Variants in BTRC observed in about 807,000 individuals in gnomAD.
The protein encoded by BTRC is F-box/WD repeat-containing protein 1A.
In BTRC, 42 loss-of-function variants were observed where a neutral mutation model predicts 85.5. The ratio of observed to expected loss-of-function variants is 0.49; its 90% confidence interval spans 0.38 to 0.64. BTRC has a LOEUF of 0.64. Ranked by LOEUF, BTRC falls within the 30% of genes least tolerant of loss-of-function variation. The pLI is 0.00. For synonymous variants in BTRC, 255 were observed against 263.3 expected (o/e 0.97, Z 0.30); for missense variants, 594 against 743.5 (o/e 0.80, Z 2.34).
chr10:101,503,721 A>G (rs951390739), intron 4 of BTRC, among the ~76,000 whole-genome samples: 1 of 152,208 alleles, frequency 6.6e-6, no homozygotes, highest in African/African-American at 2.4e-5. Flanking sequence ...AAGCATTTGA[A>G]AAGAGTTGAA....
intron 3 of BTRC, among the ~76,000 whole-genome samples, chr10:101,477,732 C>T (rs906298476): frequency 6.6e-6 from 1 of 152,122 alleles, no homozygotes; most frequent in Admixed American, 6.5e-5. Flanking sequence ...TCACTACAAC[C>T]TCCATCTCCT....
chr10:101,479,643 A>G (rs997225988), intron 4 of BTRC, among the ~76,000 whole-genome samples, 186 bp downstream of exon 4: 5 of 152,224 alleles, frequency 3.3e-5, no homozygotes, highest in African/African-American at 1.2e-4. Flanking sequence ...ATTGCAACAG[A>G]ATGTTTTGCT....
rs56375733 is a variant in BTRC at position 101,549,603 on chromosome 10, A to G, written c.1657-1096A>G. 4.4e-3 allele frequency among the ~76,000 whole-genome samples: 665 copies of G among 150,644 alleles called. 8 individuals are homozygous for G. The highest frequency in any genetic ancestry group is 0.015 in the African/African-American group (631 of 40,922). ...GTGGCAGGCGCCTGTAGTCCCAGCT[A>G]CTCGGGAGGCTGAGGCAGGAGAACG... is the stretch of plus-strand genomic sequence containing the variant. On this transcript the variant is annotated intron_variant, in intron 13 of 14. Transcript: ENST00000370187.
intron 1 of BTRC, among the ~76,000 whole-genome samples, chr10:101,394,067 CA>C (rs986207987): frequency 1.3e-5 from 2 of 152,104 alleles, no homozygotes; most frequent in Non-Finnish European, 2.9e-5. Context: ...AGAACGCAGA[CA>C]TTGTTTAGCT....
At chr10:101,413,844 A>G (rs947298583) in intron 1 of BTRC, among the ~76,000 whole-genome samples, 1 of 152,096 alleles carries the variant, frequency 6.6e-6, no homozygotes, top group Admixed American at 6.5e-5. Flanking sequence ...TTTTCATGTT[A>G]TATATTTTAA....
chr10:101,427,113 CTTTTTTTTT>C lies in BTRC; in HGVS notation c.49-3217_49-3209del, dbSNP rs138285266. ...CAGCATTTCCATTTCTTTTTTCTTT[CTTTTTTTTT>C]TTTTTTTTTTTTTTGAGACGGAGTC... is the stretch of plus-strand genomic sequence containing the variant. On this transcript the variant is annotated intron_variant, in intron 1 of 14. Coordinates refer to ENST00000370187, the MANE Select transcript of BTRC (RefSeq NM_033637.4). Among the ~76,000 whole-genome samples, 44 of 109,360 alleles carry C rather than the reference CTTTTTTTTT, an allele frequency of 4.0e-4. No homozygotes were observed. The Admixed American group carries it at 4.2e-3, about 10-fold the overall frequency. The allele number at this position is 109,360 out of a possible 152,430, so 71.7% of individuals were successfully genotyped here. A position where few individuals can be genotyped will look rare whatever the true frequency, so the allele number is the denominator to read the frequency against.
intron 13 of BTRC, among the ~76,000 whole-genome samples, chr10:101,541,822 C>A (rs1479479985): frequency 6.6e-6 from 1 of 152,088 alleles, no homozygotes; most frequent in East Asian, 1.9e-4. Flanking sequence ...TTGTTGGATT[C>A]ACCTTGCTAA....
chr10:101,458,569 C>T (rs1353951916), intron 2 of BTRC, among the ~76,000 whole-genome samples: 3 of 152,186 alleles, frequency 2.0e-5, no homozygotes, highest in African/African-American at 7.2e-5. Context: ...ACAGAACTTA[C>T]TAAAAAGTTT....
intron 5 of BTRC, among the ~76,000 whole-genome samples, chr10:101,522,276 G>A (rs1451040676): frequency 7.1e-6 from 1 of 140,028 alleles, no homozygotes; most frequent in South Asian, 2.2e-4. Context: ...TCCTGACCTC[G>A]TGGTCCACCT....
At chr10:101,380,392 A>G (rs890701075) in intron 1 of BTRC, among the ~76,000 whole-genome samples, 3 of 152,062 alleles carry the variant, frequency 2.0e-5, no homozygotes, top group Non-Finnish European at 4.4e-5. Flanking sequence ...TTTTTTAATT[A>G]AAAAGTAAAC....
chr10:101,496,005 A>G (rs1284217056), intron 4 of BTRC, among the ~76,000 whole-genome samples: 1 of 44,534 alleles, frequency 2.2e-5, no homozygotes, highest in Non-Finnish European at 5.0e-5. Flanking sequence ...GGAATCATAT[A>G]GTATTTTTTT....
At position 101,430,422 on chromosome 10, in the gene BTRC, C is replaced by A. The variant is rs1416211497; in HGVS notation, c.126C>A (p.Asn42Lys). Reference protein sequence around the residue: ...DSMPSLRCLYNPGTGALTAFQ... With the variant: ...DSMPSLRCLYKPGTGALTAFQ... ...TGCCTTCGCTGCGATGCCTGTATAACCCAGGGACTGGCGCACTCACAGCTT... is the reference window on the plus strand; with the variant it reads ...TGCCTTCGCTGCGATGCCTGTATAAACCAGGGACTGGCGCACTCACAGCTT... The change falls in exon 2 of 15, where the codon AAC becomes AAA. Residue 42 changes from asparagine to lysine, a missense_variant. This residue lies in a region of BTRC where 163 missense variants were observed against 180.5 expected (regional missense o/e 0.90). Transcript: ENST00000370187. 1 of 1,613,946 alleles carries A rather than the reference C, an allele frequency of 6.2e-7. No homozygotes were observed. Among genetic ancestry groups the A allele is most frequent in the East Asian group, 2.2e-5 (1 of 44,886 alleles).
At chr10:101,384,557 T>C (rs1213495007) in intron 1 of BTRC, among the ~76,000 whole-genome samples, 1 of 152,226 alleles carries the variant, frequency 6.6e-6, no homozygotes. Context: ...GTGTATTTAT[T>C]AGATACGAGT....
intron 4 of BTRC, among the ~76,000 whole-genome samples, chr10:101,505,576 T>G (rs2134307881): frequency 6.6e-6 from 1 of 150,800 alleles, no homozygotes; most frequent in South Asian, 2.1e-4. Context: ...GCAGAGATTG[T>G]GCCACTGCAC....
chr10:101,505,345 C>T (rs1589563870), intron 4 of BTRC, among the ~76,000 whole-genome samples: 1 of 149,426 alleles, frequency 6.7e-6, no homozygotes, highest in Non-Finnish European at 1.5e-5. Flanking sequence ...GATGGCCGGG[C>T]GCGGTGGCTT....
intron 4 of BTRC, among the ~76,000 whole-genome samples, chr10:101,486,657 C>A (rs1442392845): frequency 1.3e-5 from 2 of 152,130 alleles, no homozygotes; most frequent in Non-Finnish European, 2.9e-5. Flanking sequence ...TCATCTCCAG[C>A]CCCCTAAAAT....
At chr10:101,382,475 G>T (rs1942960583) in intron 1 of BTRC, among the ~76,000 whole-genome samples, 1 of 151,476 alleles carries the variant, frequency 6.6e-6, no homozygotes, top group Admixed American at 6.6e-5. Context: ...GTTTTTCCAT[G>T]ATTAGATCAG....
At chr10:101,357,681 T>C (rs1942081409) in intron 1 of BTRC, among the ~76,000 whole-genome samples, 1 of 152,168 alleles carries the variant, frequency 6.6e-6, no homozygotes, top group African/African-American at 2.4e-5. Flanking sequence ...AAATGGATAC[T>C]CTCACAAATT....
At chr10:101,406,547 TTTTTTG>T (rs1943629552) in intron 1 of BTRC, among the ~76,000 whole-genome samples, 1 of 140,396 alleles carries the variant, frequency 7.1e-6, no homozygotes, top group South Asian at 2.4e-4. Flanking sequence ...TTTTTTTTTT[TTTTTTG>T]AGACGGAGTC....
Sources: allele counts gnomAD v4.1 joint callset (sites outside exome capture counted in the v4.1 genomes callset), GRCh38; gene constraint gnomAD v4.1.1; regional missense constraint gnomAD v4.1.1; transcripts MANE v1.5; gene names NCBI Gene and HGNC (gene_info 2026-07-23, HGNC 2026-07-21).